NUS1: variants seen among roughly 807,000 people sequenced by gnomAD.
NUS1 encodes the protein NUS1 dehydrodolichyl diphosphate synthase subunit.
For synonymous variants in NUS1, 135 were observed against 155.2 expected (o/e 0.87, Z 0.97); for missense variants, 292 against 382.9 (o/e 0.76, Z 1.98).
chr6:117,676,207 C>T (rs1454301776), intron 1 of NUS1, 122 bp downstream of exon 1: 21 of 1,451,970 alleles, frequency 1.4e-5, no homozygotes, highest in African/African-American at 1.1e-4. Flanking sequence ...AGCGCTAGCG[C>T]TTTCGAGGAA....
chr6:117,700,357 T>C (rs774630311), intron 3 of NUS1, among the ~76,000 whole-genome samples: 11 of 152,196 alleles, frequency 7.2e-5, no homozygotes, highest in Non-Finnish European at 1.6e-4. Context: ...CTCAAAAGAA[T>C]ACATACAGAT....
rs1183224350 is a variant in NUS1, at chr6:117,709,566, A to G, written c.*2551A>G. 1 of 149,842 alleles carries G rather than the reference A, an allele frequency of 6.7e-6. No individual in the cohort carries two copies. Among genetic ancestry groups the G allele is most frequent in the Non-Finnish European group, 1.5e-5 (1 of 67,372 alleles). The allele number at this position is 149,842 out of a possible 1,614,324, so 9.3% of individuals were successfully genotyped here. A position where few individuals can be genotyped will look rare whatever the true frequency, so the allele number is the denominator to read the frequency against. ...GTTATAATATTAATGAACAGTGCCA[A>G]ATACACTGTGCATATCTGCAATTTA... On this transcript the variant is annotated 3_prime_UTR_variant, in exon 5 of 5. Transcript: ENST00000368494.
At chr6:117,704,567 G>T (rs899366202) in intron 4 of NUS1, among the ~76,000 whole-genome samples, 2 of 152,260 alleles carry the variant, frequency 1.3e-5, no homozygotes, top group African/African-American at 4.8e-5. Context: ...CAAGTATCAG[G>T]CTCCTGGGCT....
rs753550769 is a variant in NUS1 at position 117,675,676 on chromosome 6, G to C, written c.6G>C (p.Thr2=). 34 of 1,467,254 alleles carry C rather than the reference G, an allele frequency of 2.3e-5. No homozygotes were observed. Among genetic ancestry groups the C allele is most frequent in the Non-Finnish European group, 3.1e-5 (33 of 1,073,892 alleles). The allele number at this position is 1,467,254 out of a possible 1,614,324, so 90.9% of individuals were successfully genotyped here. The change falls in exon 1 of 5, where the codon ACG becomes ACC. Residue 2 remains threonine, a synonymous_variant. Coordinates refer to ENST00000368494, the MANE Select transcript of NUS1 (RefSeq NM_138459.5). M[T]GLYELVWRVL... ...TGTCTGAGGGCCACAAGAGTATGACGGGGCTGTACGAGCTGGTGTGGCGGG... is the reference window on the plus strand; with the variant it reads ...TGTCTGAGGGCCACAAGAGTATGACCGGGCTGTACGAGCTGGTGTGGCGGG...
intron 1 of NUS1, among the ~76,000 whole-genome samples, chr6:117,692,158 T>G (rs1773231938): frequency 6.6e-6 from 1 of 152,074 alleles, no homozygotes; most frequent in Non-Finnish European, 1.5e-5. Flanking sequence ...TGGAAAAGAT[T>G]TAAGCAGCTT....
chr6:117,704,383 C>CT (rs1562183265), intron 4 of NUS1, among the ~76,000 whole-genome samples: 4 of 152,102 alleles, frequency 2.6e-5, no homozygotes, highest in Admixed American at 2.0e-4. Flanking sequence ...TTTAGGCAAA[C>CT]TTTTTTTGTA....
intron 4 of NUS1, 64 bp downstream of exon 4, chr6:117,703,768 G>A: frequency 1.8e-6 from 2 of 1,081,770 alleles, no homozygotes; most frequent in Non-Finnish European, 2.9e-6. Flanking sequence ...GTTCAGCACT[G>A]TACTAGATCT....
At position 117,702,754 on chromosome 6, in the gene NUS1, C is replaced by T. The variant is rs79926345; in HGVS notation, c.692-851C>T. Among the ~76,000 whole-genome samples the T allele has an allele frequency of 9.8e-3, 1,493 of 152,242 alleles. 20 individuals are homozygous for T. The highest frequency in any genetic ancestry group is 0.034 in the African/African-American group (1,428 of 41,542). On this transcript the variant is annotated intron_variant, in intron 3 of 4. Transcript: ENST00000368494. Reference sequence around the variant, plus strand: ...GGAAATAATTTTTTCAATAGTACTGCTGGACAGGACTGCCTGATCCAGTTT... The same window carrying T: ...GGAAATAATTTTTTCAATAGTACTGTTGGACAGGACTGCCTGATCCAGTTT...
Position 117,703,689 on chromosome 6 carries a change from G to A in NUS1, c.776G>A (p.Arg259Lys). 1 of 1,610,714 alleles carries A rather than the reference G, an allele frequency of 6.2e-7. No individual in the cohort carries two copies. The highest frequency in any genetic ancestry group is 8.5e-7 in the Non-Finnish European group (1 of 1,176,904). Residue 259 changes from arginine (R) to lysine (K), a missense_variant, in exon 4 of 5, where the codon AGA (arginine) becomes AAA (lysine). Transcript: ENST00000368494. The part of the protein sequence containing the change: ...STLGFLPWHI[R>K]LTEIVSLPSH... ...TTAGGCTTTCTTCCCTGGCACATCA[G>A]ATTGACTGAGATTGTGTAAGTAATT...
At chr6:117,700,197 G>T (rs183877508) in intron 3 of NUS1, among the ~76,000 whole-genome samples, 1 of 152,260 alleles carries the variant, frequency 6.6e-6, no homozygotes, top group Non-Finnish European at 1.5e-5. Flanking sequence ...TCAGCAAAGT[G>T]AAAAGACAAC....
intron 3 of NUS1, 101 bp downstream of exon 3, chr6:117,694,281 C>G: frequency 1.7e-6 from 1 of 589,536 alleles, no homozygotes; most frequent in Non-Finnish European, 2.6e-6. Flanking sequence ...ATTTTTGTTT[C>G]TTTCACACCA....
At position 117,710,152 on chromosome 6, in the gene NUS1, A is replaced by G. The variant is rs1773554749; in HGVS notation, c.*3137A>G. ...AAAAAGGAATTTGATAGTTCTTGTC[A>G]AATGAGAAAATTTAAAGGTAAGAGT... On this transcript the variant is annotated 3_prime_UTR_variant, in exon 5 of 5. Transcript: ENST00000368494. 6.6e-6 allele frequency: 1 copy of G among 152,176 alleles called. No individual in the cohort carries two copies. Among genetic ancestry groups the G allele is most frequent in the Non-Finnish European group, 1.5e-5 (1 of 67,986 alleles). 9.4% of individuals were successfully genotyped at this position (152,176 alleles called of 1,614,324 possible).
Position 117,709,464 on chromosome 6 carries a change from AGGTG to A in NUS1, c.*2451_*2454del, listed in dbSNP as rs1051349425. ...ATCGGTTACTGTTATAAAGTTTAAA[AGGTG>A]GTTTTAATGTGAATAGCAAATTCTG... On this transcript the variant is annotated 3_prime_UTR_variant, in exon 5 of 5. Coordinates refer to ENST00000368494, the MANE Select transcript of NUS1 (RefSeq NM_138459.5). 188 of 146,302 alleles carry A rather than the reference AGGTG, an allele frequency of 1.3e-3. No individual in the cohort carries two copies. Among genetic ancestry groups the A allele is most frequent in the African/African-American group, 4.5e-3 (176 of 39,224 alleles). 9.1% of individuals were successfully genotyped at this position (146,302 alleles called of 1,614,324 possible). A position where few individuals can be genotyped will look rare whatever the true frequency, so the allele number is the denominator to read the frequency against.
intron 1 of NUS1, among the ~76,000 whole-genome samples, chr6:117,680,264 A>G (rs916336401): frequency 2.0e-5 from 3 of 152,212 alleles, no homozygotes; most frequent in Non-Finnish European, 4.4e-5. Flanking sequence ...TGTTCTGTCT[A>G]TATGATTATA....
intron 4 of NUS1, among the ~76,000 whole-genome samples, 189 bp downstream of exon 4, chr6:117,703,893 G>T (rs758961249): frequency 1.3e-5 from 2 of 152,128 alleles, no homozygotes; most frequent in Non-Finnish European, 2.9e-5. Flanking sequence ...GTGTATAGTT[G>T]TGCAGATGTT....
At chr6:117,676,243 A>G (rs1034758735) in intron 1 of NUS1, among the ~76,000 whole-genome samples, 158 bp downstream of exon 1, 2 of 152,224 alleles carry the variant, frequency 1.3e-5, no homozygotes, top group Non-Finnish European at 2.9e-5. Context: ...TTGAACACCT[A>G]CTAATTCTCT....
At chr6:117,700,718 A>C (rs902388115) in intron 3 of NUS1, among the ~76,000 whole-genome samples, 1 of 152,254 alleles carries the variant, frequency 6.6e-6, no homozygotes, top group African/African-American at 2.4e-5. Context: ...AGTGTCCATC[A>C]GCAGATGAAT....
chr6:117,677,813 A>T (rs1361540233), intron 1 of NUS1, among the ~76,000 whole-genome samples: 1 of 152,204 alleles, frequency 6.6e-6, no homozygotes, highest in Non-Finnish European at 1.5e-5. Context: ...GACTGTTAGG[A>T]GATGACACAA....
At chr6:117,696,292 A>G (rs1051438361) in intron 3 of NUS1, among the ~76,000 whole-genome samples, 6 of 152,138 alleles carry the variant, frequency 3.9e-5, no homozygotes, top group African/African-American at 1.4e-4. Context: ...CTTGAGGGCA[A>G]ATCTGAGTTA....
Sources: allele counts gnomAD v4.1 joint callset (sites outside exome capture counted in the v4.1 genomes callset), GRCh38; gene constraint gnomAD v4.1.1; transcripts MANE v1.5; gene names NCBI Gene and HGNC (gene_info 2026-07-23, HGNC 2026-07-21).